Variants in GBF1 observed in about 807,000 individuals in gnomAD.
GBF1 encodes golgi brefeldin A resistant guanine nucleotide exchange factor 1, also known as Golgi-specific brefeldin A-resistance guanine nucleotide exchange factor 1.
Under a neutral mutation model 210.5 loss-of-function variants are expected in GBF1, and 114 were observed. The observed-to-expected ratio is 0.54, with a 90% CI of 0.47 to 0.63. The LOEUF (loss-of-function observed/expected upper bound fraction) is 0.63. Among genes scored for constraint, GBF1 ranks in the 30% least tolerant of loss-of-function variants. GBF1 has a pLI of 0.00. For missense variants in GBF1, 1,851 were observed against 2,357.7 expected (o/e 0.79, Z 4.45); for synonymous variants, 850 against 889.2 (o/e 0.96, Z 0.78).
At chr10:102,300,989 T>TG (rs1429421847) in intron 3 of GBF1, among the ~76,000 whole-genome samples, 1 of 151,104 alleles carries the variant, frequency 6.6e-6, no homozygotes, top group Non-Finnish European at 1.5e-5. Flanking sequence ...TTTTTTTTTT[T>TG]TTTAAGTATT....
chr10:102,336,981 T>A (rs2057792863), intron 3 of GBF1, among the ~76,000 whole-genome samples: 1 of 152,208 alleles, frequency 6.6e-6, no homozygotes, highest in African/African-American at 2.4e-5. Flanking sequence ...AAAAATTTTA[T>A]AACAATGTGA....
Position 102,344,177 on chromosome 10 carries a change from T to C in GBF1, c.290T>C (p.Leu97Pro). Residue 97 changes from leucine (L) to proline (P), a missense_variant, in exon 4 of 40, where the codon CTC becomes CCC. By Grantham distance (98) the Leu-to-Pro change is moderately conservative. Around this residue, in one of 3 missense-constraint regions of GBF1, gnomAD observed 804 missense variants for 958.6 expected, o/e 0.84. Coordinates refer to ENST00000369983, the MANE Select transcript of GBF1 (RefSeq NM_001377137.1). ...GTCAACAAGTTCCTGTCCTATGCAC[T>C]CATAGGTAAGAGCTCAGGCTTTGTT... The part of the protein sequence containing the change: ...TSVNKFLSYA[L>P]IDPTHEGTAE... 6.2e-7 allele frequency: 1 copy of C among 1,613,086 alleles called. No homozygotes were observed. The highest frequency in any genetic ancestry group is 8.5e-7 in the Non-Finnish European group (1 of 1,179,046).
chr10:102,337,005 T>A (rs879390852), intron 3 of GBF1, among the ~76,000 whole-genome samples: 14 of 152,158 alleles, frequency 9.2e-5, no homozygotes, highest in Admixed American at 9.2e-4. Context: ...TAGTTACATG[T>A]ATGTTGATTC....
chr10:102,318,231 T>C (rs1313544742), intron 3 of GBF1, among the ~76,000 whole-genome samples: 1 of 151,332 alleles, frequency 6.6e-6, no homozygotes, highest in African/African-American at 2.4e-5. Flanking sequence ...CTCACTTTGT[T>C]GCCTAGGCTA....
chr10:102,338,276 T>G (rs2057916214), intron 3 of GBF1, among the ~76,000 whole-genome samples: 1 of 145,082 alleles, frequency 6.9e-6, no homozygotes, highest in Non-Finnish European at 1.5e-5. Context: ...AGTCTCCTTC[T>G]GTCACCCAGG....
chr10:102,287,953 A>G (rs967563092), intron 3 of GBF1, among the ~76,000 whole-genome samples: 11 of 152,158 alleles, frequency 7.2e-5, no homozygotes, highest in African/African-American at 2.2e-4. Context: ...TTTTAATTTG[A>G]AAAATTTTGT....
At chr10:102,317,216 A>G (rs558615511) in intron 3 of GBF1, among the ~76,000 whole-genome samples, 34 of 152,282 alleles carry the variant, frequency 2.2e-4, no homozygotes, top group African/African-American at 7.5e-4. Flanking sequence ...AGAATCGCTT[A>G]GCCCAGAAGT....
chr10:102,346,609 G>C lies in GBF1; in HGVS notation c.295+2427G>C, dbSNP rs767062991. On this transcript the variant is annotated intron_variant, in intron 4 of 39. Transcript: ENST00000369983. Reference sequence around the variant, plus strand: ...CTGCAGCCTTGACCTTCGGGCTCAGGTGATCCTCCCACCTCCGCCTCCCAA... The same window carrying C: ...CTGCAGCCTTGACCTTCGGGCTCAGCTGATCCTCCCACCTCCGCCTCCCAA... Among the ~76,000 whole-genome samples the C allele has an allele frequency of 1.1e-4, 16 of 152,284 alleles. No homozygotes were observed. In the South Asian group the frequency reaches 1.2e-3, roughly 12 times the overall value.
chr10:102,255,103 C>G (rs960957480), intron 1 of GBF1, among the ~76,000 whole-genome samples: 1 of 152,050 alleles, frequency 6.6e-6, no homozygotes, highest in Admixed American at 6.5e-5. Flanking sequence ...TGCAGTGGCG[C>G]GATCTCGGCT....
At chr10:102,239,592 A>G in the GBF1 span, among the ~76,000 whole-genome samples, 1,583 of 152,344 alleles carry the variant, frequency 0.01, 22 homozygotes, top group African/African-American at 0.036. Flanking sequence ...AGGAATGGAC[A>G]TGGGAGTATG....
chr10:102,341,774 C>G (rs908947754), intron 3 of GBF1, among the ~76,000 whole-genome samples: 1 of 152,120 alleles, frequency 6.6e-6, no homozygotes, highest in Non-Finnish European at 1.5e-5. Context: ...AGGCTGAATG[C>G]ACATCACCCT....
chr10:102,281,589 A>T (rs929124094), intron 3 of GBF1, among the ~76,000 whole-genome samples: 16 of 149,450 alleles, frequency 1.1e-4, no homozygotes, highest in Non-Finnish European at 2.2e-4. Flanking sequence ...TTGTTATATT[A>T]TAACTTAGAC....
At chr10:102,342,128 C>T (rs918899830) in intron 3 of GBF1, among the ~76,000 whole-genome samples, 4 of 151,560 alleles carry the variant, frequency 2.6e-5, no homozygotes, top group African/African-American at 7.3e-5. Context: ...GCTCTGCCTC[C>T]TGGGTTCACA....
chr10:102,368,415 T>A lies in GBF1; in HGVS notation c.2840T>A (p.Leu947His). 1.2e-6 allele frequency: 2 copies of A among 1,613,418 alleles called. No individual in the cohort carries two copies. The highest frequency in any genetic ancestry group is 1.7e-6 in the Non-Finnish European group (2 of 1,179,362). ...AALSYVFDKS[L>H]EETIIQKAIS... is the part of the protein sequence containing the mutation. ...CTCTCTTATGTCTTTGACAAAAGCC[T>A]TGAGGAGACAATCATCCAGAAAGCC... The change falls in exon 22 of 40, where the codon CTT becomes CAT. Residue 947 changes from leucine (L) to histidine (H), a missense_variant. Physicochemically the swap from Leu to His is moderately conservative, Grantham distance 99. Transcript: ENST00000369983.
At position 102,358,166 on chromosome 10, in the gene GBF1, C is replaced by G. The variant is rs966772605; in HGVS notation, c.767C>G (p.Thr256Ser). 2 of 1,613,958 alleles carry G rather than the reference C, an allele frequency of 1.2e-6. No homozygotes were observed. The highest frequency in any genetic ancestry group is 1.7e-6 in the Non-Finnish European group (2 of 1,179,826). The change falls in exon 9 of 40, where the codon ACC (threonine) becomes AGC (serine). Residue 256 changes from threonine to serine, a missense_variant. Physicochemically the swap from Thr to Ser is moderately conservative, Grantham distance 58 (BLOSUM62 1). Around this residue, in one of 3 missense-constraint regions of GBF1, gnomAD observed 804 missense variants for 958.6 expected, o/e 0.84. Transcript: ENST00000369983. ...GSELPTPNGT[T>S]LSSNLTGGMP... is the part of the protein sequence containing the mutation. Reference sequence around the variant, plus strand: ...GAGCTGCCCACTCCCAATGGAACCACCTTATCATCTAACCTCACTGGTGAG... The same window carrying G: ...GAGCTGCCCACTCCCAATGGAACCAGCTTATCATCTAACCTCACTGGTGAG...
rs755564427 is a variant in GBF1 at position 102,379,509 on chromosome 10, T to C, written c.4646-12T>C. On this transcript the variant is annotated splice_polypyrimidine_tract_variant and intron_variant, in intron 34 of 39. Transcript: ENST00000369983. ...GATGCCTGAAGGATCCTGACCCTGC[T>C]CTTGCTCTCAGGTATTGCCTGCCTG... 78 of 1,614,020 alleles carry C rather than the reference T, an allele frequency of 4.8e-5. No individual in the cohort carries two copies. The highest frequency in any genetic ancestry group is 6.3e-5 in the Non-Finnish European group (74 of 1,180,036).
chr10:102,293,771 G>GTTTTTTTTTT lies in GBF1; in HGVS notation c.163+33670_163+33679dup, dbSNP rs56722082. Among the ~76,000 whole-genome samples the GTTTTTTTTTT allele has an allele frequency of 3.9e-4, 9 of 22,894 alleles. 1 individual carries two copies. Among genetic ancestry groups the GTTTTTTTTTT allele is most frequent in the African/African-American group, 1.9e-3 (9 of 4,630 alleles). The allele number at this position is 22,894 out of a possible 152,430, so 15.0% of individuals were successfully genotyped here. ...TTTGTACAGCTGTAGTATGTTTTGT[G>GTTTTTTTTTT]TTTTTTTTTTTTTTTTTTTTTTTTG... On this transcript the variant is annotated intron_variant, in intron 3 of 39. Coordinates refer to ENST00000369983, the MANE Select transcript of GBF1 (RefSeq NM_001377137.1).
chr10:102,346,052 T>C (rs2058545213), intron 4 of GBF1, among the ~76,000 whole-genome samples: 1 of 152,122 alleles, frequency 6.6e-6, no homozygotes, highest in Non-Finnish European at 1.5e-5. Flanking sequence ...AATGCTAATA[T>C]AAGCATCCTT....
rs1034475414 is a variant in GBF1, at chr10:102,346,911, C to G, written c.295+2729C>G. ...TTTTTCATGTCAATTTGTAGGAGTT[C>G]TTTGTATGGTAGGAATATTAACCCA... On this transcript the variant is annotated intron_variant, in intron 4 of 39. Coordinates refer to ENST00000369983, the MANE Select transcript of GBF1 (RefSeq NM_001377137.1). Among the ~76,000 whole-genome samples the G allele has an allele frequency of 2.0e-5, 3 of 152,162 alleles. 1 individual carries two copies. The highest frequency in any genetic ancestry group is 7.2e-5 in the African/African-American group (3 of 41,528).
Sources: gnomAD v4.1 joint callset for allele counts (sites outside exome capture counted in the v4.1 genomes callset) on GRCh38, gnomAD v4.1.1 for gene constraint, gnomAD v4.1.1 regional missense constraint, MANE v1.5 for transcripts, NCBI Gene and HGNC (gene_info 2026-07-23, HGNC 2026-07-21) for gene names.